The following GGCT variants were observed in gnomAD, a reference collection of about 807,000 sequenced individuals.
GGCT encodes the protein gamma-glutamylcyclotransferase, also known as cytochrome c-releasing factor 21.
GGCT carries 20 observed loss-of-function variants against 22.1 expected under a neutral mutation model. The ratio of observed to expected loss-of-function variants is 0.91; its 90% confidence interval spans 0.64 to 1.32. The LOEUF is 1.32. GGCT is among the 40% of genes most tolerant of loss of function. The pLI is 0.00. For synonymous variants in GGCT, 72 were observed against 78.4 expected (o/e 0.92, Z 0.43); for missense variants, 209 against 223.5 (o/e 0.94, Z 0.41).
At chr7:30,499,430 G>A (rs1454080601) in intron 2 of GGCT, among the ~76,000 whole-genome samples, 1 of 151,038 alleles carries the variant, frequency 6.6e-6, no homozygotes, top group Non-Finnish European at 1.5e-5. Context: ...AAGGCCGGGT[G>A]CAGTGGCTCA....
rs777898201 is a variant in GGCT at position 30,496,941 on chromosome 7, T to C, written c.*151A>G. ...CTCCTATCCCAGTTTCTTTTTATAGTCTAAAAACAAGGAATCACCCAAGTA... is the reference window on the plus strand; with the variant it reads ...CTCCTATCCCAGTTTCTTTTTATAGCCTAAAAACAAGGAATCACCCAAGTA... On this transcript the variant is annotated 3_prime_UTR_variant, in exon 4 of 4. Coordinates refer to ENST00000275428, the MANE Select transcript of GGCT (RefSeq NM_024051.4). 2 of 492,334 alleles carry C rather than the reference T, an allele frequency of 4.1e-6. No individual in the cohort carries two copies. The highest frequency in any genetic ancestry group is 7.0e-6 in the Non-Finnish European group (2 of 284,990). 30.5% of individuals were successfully genotyped at this position (492,334 alleles called of 1,614,324 possible).
In GGCT at chr7:30,497,097, G is replaced by A; in HGVS notation, c.562C>T (p.Leu188Phe). Residue 188 changes from leucine to phenylalanine, a missense_variant, in exon 4 of 4, where the codon CTT becomes TTT. Transcript: ENST00000275428. ...TAGATATATTCTGTTATGTTCTAAAGAGTTTGTGTTTCCCCCTTTTTGATG... is the reference window on the plus strand; with the variant it reads ...TAGATATATTCTGTTATGTTCTAAAAAGTTTGTGTTTCCCCCTTTTTGATG... ...DIIKKGETQT[L>F] 1 of 1,587,722 alleles carries A rather than the reference G, an allele frequency of 6.3e-7. No individual in the cohort carries two copies. Among genetic ancestry groups the A allele is most frequent in the Non-Finnish European group, 8.6e-7 (1 of 1,159,360 alleles).
At chr7:30,501,957 G>C (rs1423587988) in intron 1 of GGCT, among the ~76,000 whole-genome samples, 1 of 152,200 alleles carries the variant, frequency 6.6e-6, no homozygotes, top group Non-Finnish European at 1.5e-5. Context: ...ACACTAACTG[G>C]TTGTGTATTG....
Position 30,497,451 on chromosome 7 carries a change from T to C in GGCT, c.424-216A>G, listed in dbSNP as rs751180650. ...TTCAAAGCCAAATGAAGCATCCTCA[T>C]GGAATATCAACTTTCTCAATATATG... On this transcript the variant is annotated intron_variant, in intron 3 of 3. Transcript: ENST00000275428. 2.6e-5 allele frequency: 10 copies of C among 390,952 alleles called. No homozygotes were observed. The Admixed American group carries it at 3.0e-4, about 12-fold the overall frequency. The allele number at this position is 390,952 out of a possible 1,614,324, so 24.2% of individuals were successfully genotyped here.
At chr7:30,502,415 C>T (rs1330595169) in intron 1 of GGCT, among the ~76,000 whole-genome samples, 1 of 152,092 alleles carries the variant, frequency 6.6e-6, no homozygotes, top group Non-Finnish European at 1.5e-5. Flanking sequence ...CATTCTCATC[C>T]CCTCCAATGG....
chr7:30,498,850 G>GA lies in GGCT; in HGVS notation c.375dup (p.Leu126SerfsTer15). On this transcript the variant is annotated frameshift_variant, in exon 3 of 4. Coordinates refer to ENST00000275428, the MANE Select transcript of GGCT (RefSeq NM_024051.4). LOFTEE classifies it high-confidence loss of function. ...GGAGCACTTTCGTAATTTGTCATCA[G>GA]ATAACTTCGACAGGTTATTTCTTTT... 1 of 1,612,862 alleles carries GA rather than the reference G, an allele frequency of 6.2e-7. No homozygotes were observed. The highest frequency in any genetic ancestry group is 8.5e-7 in the Non-Finnish European group (1 of 1,178,854).
At chr7:30,499,622 G>T (rs959834981) in intron 2 of GGCT, among the ~76,000 whole-genome samples, 2 of 151,884 alleles carry the variant, frequency 1.3e-5, no homozygotes, top group Middle Eastern at 6.8e-3. Flanking sequence ...TGAGGCGGGA[G>T]AATCACTGGA....
At chr7:30,503,462 G>A (rs38412) in intron 1 of GGCT, among the ~76,000 whole-genome samples, 151,208 of 152,290 alleles carry the variant, frequency 0.99, 75,068 homozygotes, top group East Asian at 1. Context: ...TTAGCCAATC[G>A]GGACATTCTG....
At chr7:30,497,606 G>T (rs889894200) in intron 3 of GGCT, 18 of 461,812 alleles carry the variant, frequency 3.9e-5, no homozygotes, top group South Asian at 3.3e-4. Flanking sequence ...AACGCCAGAG[G>T]TTACCCTTGC....
At chr7:30,498,423 C>A (rs182066377) in intron 3 of GGCT, among the ~76,000 whole-genome samples, 33 of 151,966 alleles carry the variant, frequency 2.2e-4, no homozygotes, top group Admixed American at 9.8e-4. Context: ...CCTTTTATTT[C>A]TTTTTTAGAA....
chr7:30,500,632 C>G lies in GGCT; in HGVS notation c.191G>C (p.Trp64Ser), dbSNP rs1562742270. ...AAAAATGGTGGCTATCCCTCCATGCCAAGTTTGACTTGTTTTGCCTTGGGA... is the reference window on the plus strand; with the variant it reads ...AAAAATGGTGGCTATCCCTCCATGCGAAGTTTGACTTGTTTTGCCTTGGGA... ...GNSQGKTSQT[W>S]HGGIATIFQS... The change falls in exon 2 of 4, where the codon TGG becomes TCG. Residue 64 changes from tryptophan (W) to serine (S), a missense_variant. Physicochemically the swap from Trp to Ser is radical, Grantham distance 177 (BLOSUM62 -3). Transcript: ENST00000275428. 2.5e-6 allele frequency: 4 copies of G among 1,613,676 alleles called. No individual in the cohort carries two copies. In the East Asian group the frequency reaches 6.7e-5, roughly 27 times the overall value.
chr7:30,499,604 C>T (rs933704214), intron 2 of GGCT, among the ~76,000 whole-genome samples: 6 of 151,186 alleles, frequency 4.0e-5, no homozygotes, highest in South Asian at 2.1e-4. Flanking sequence ...CCCAGCTACT[C>T]GGGAGGCTGA....
chr7:30,502,423 T>C (rs866225150), intron 1 of GGCT, among the ~76,000 whole-genome samples: 47 of 152,312 alleles, frequency 3.1e-4, no homozygotes, highest in Middle Eastern at 3.4e-3. Flanking sequence ...TCCCCTCCAA[T>C]GGCTTCAAAT....
intron 2 of GGCT, 93 bp from the exon 3 acceptor site, chr7:30,499,031 G>A (rs1789631464): frequency 9.0e-7 from 1 of 1,106,438 alleles, no homozygotes; most frequent in East Asian, 2.3e-5. Flanking sequence ...GATGGTGTAT[G>A]GGATTAAACA....
At chr7:30,503,781 C>CTTTTTTTTTTT (rs58105855) in intron 1 of GGCT, among the ~76,000 whole-genome samples, 2 of 68,562 alleles carry the variant, frequency 2.9e-5, no homozygotes, top group African/African-American at 6.4e-5. Flanking sequence ...TCAACACATT[C>CTTTTTTTTTTT]TTTTTTTTTT....
chr7:30,504,159 G>A (rs966311821), intron 1 of GGCT, among the ~76,000 whole-genome samples: 1 of 152,210 alleles, frequency 6.6e-6, no homozygotes, highest in African/African-American at 2.4e-5. Flanking sequence ...GCGAAAGGCA[G>A]GTAAACGGAT....
intron 1 of GGCT, among the ~76,000 whole-genome samples, chr7:30,502,857 TCAAATC>T (rs1789734663): frequency 6.6e-6 from 1 of 151,892 alleles, no homozygotes; most frequent in Non-Finnish European, 1.5e-5. Flanking sequence ...CTTCCCTCCT[TCAAATC>T]TATTTTCCAT....
chr7:30,499,313 T>A (rs1583946510), intron 2 of GGCT, among the ~76,000 whole-genome samples: 1 of 151,170 alleles, frequency 6.6e-6, no homozygotes, highest in African/African-American at 2.4e-5. Flanking sequence ...AGGCTGAGGC[T>A]AGAGAATCAC....
At chr7:30,498,060 T>C (rs1789599877) in intron 3 of GGCT, among the ~76,000 whole-genome samples, 1 of 146,318 alleles carries the variant, frequency 6.8e-6, no homozygotes, top group Non-Finnish European at 1.5e-5. Context: ...TACATATATG[T>C]ATATATATAT....
Sources: gnomAD v4.1 joint callset for allele counts (sites outside exome capture counted in the v4.1 genomes callset) on GRCh38, gnomAD v4.1.1 for gene constraint, MANE v1.5 for transcripts, NCBI Gene and HGNC (gene_info 2026-07-23, HGNC 2026-07-21) for gene names.